Variants in GPR158 observed in about 807,000 individuals in gnomAD.
GPR158 encodes metabotropic glycine receptor.
Under a neutral mutation model 78.2 loss-of-function variants are expected in GPR158, and 30 were observed. The observed-to-expected ratio is 0.38, with a 90% CI of 0.29 to 0.52. The LOEUF (loss-of-function observed/expected upper bound fraction) is 0.52. Among genes scored for constraint, GPR158 ranks in the 20% least tolerant of loss-of-function variants. The pLI, the probability that GPR158 is intolerant of heterozygous loss-of-function variation, is 0.83. For synonymous variants in GPR158, 581 were observed against 591.1 expected, an observed-to-expected ratio of 0.98 and a Z score of 0.25; for missense variants, 1,463 against 1,523.5, an observed-to-expected ratio of 0.96 and a Z score of 0.66.
At chr10:25,433,547 T>TGTGTTGTG (rs67750453) in intron 4 of GPR158, among the ~76,000 whole-genome samples, 4 of 96,330 alleles carry the variant, frequency 4.2e-5, no homozygotes, top group African/African-American at 5.6e-5. Context: ...TGTGTGTGTG[T>TGTGTTGTG]TGTGTGTGTG....
intron 5 of GPR158, among the ~76,000 whole-genome samples, chr10:25,537,974 A>G (rs1273697916): frequency 1.3e-5 from 2 of 152,068 alleles, no homozygotes; most frequent in Non-Finnish European, 2.9e-5. Context: ...AAATTACCCA[A>G]TTTCAGGTAT....
At chr10:25,422,503 T>C (rs1284940217) in intron 4 of GPR158, among the ~76,000 whole-genome samples, 2 of 152,060 alleles carry the variant, frequency 1.3e-5, no homozygotes, top group Non-Finnish European at 2.9e-5. Flanking sequence ...AAAATTATCT[T>C]CCACGAACCC....
At position 25,348,598 on chromosome 10, in the gene GPR158, C is replaced by T. The variant is rs111505083; in HGVS notation, c.1009-47313C>T. Among the ~76,000 whole-genome samples, 912 of 152,002 alleles carry T rather than the reference C, an allele frequency of 6.0e-3. 9 individuals carry two copies. The highest frequency in any genetic ancestry group is 0.021 in the African/African-American group (868 of 41,508). ...ATCAGCCCTACCTGGCATTCTACAA[C>T]ATCAGGAAATAGAAACTGAACACTT... On this transcript the variant is annotated intron_variant, in intron 2 of 10. Coordinates refer to ENST00000376351, the MANE Select transcript of GPR158 (RefSeq NM_020752.3).
At chr10:25,327,588 A>G (rs1855055213) in intron 2 of GPR158, among the ~76,000 whole-genome samples, 1 of 152,112 alleles carries the variant, frequency 6.6e-6, no homozygotes, top group African/African-American at 2.4e-5. Context: ...TAGACTTCTG[A>G]AGAGGTTTTT....
intron 7 of GPR158, among the ~76,000 whole-genome samples, chr10:25,579,943 A>G (rs1837165365): frequency 6.6e-6 from 1 of 152,152 alleles, no homozygotes. Flanking sequence ...CAGCATTTAT[A>G]TGATCTAATA....
At chr10:25,431,801 T>C (rs562760771) in intron 4 of GPR158, among the ~76,000 whole-genome samples, 110 of 152,204 alleles carry the variant, frequency 7.2e-4, no homozygotes, top group African/African-American at 2.5e-3. Flanking sequence ...TATGTGGGAA[T>C]TGAATGATGA....
At chr10:25,560,169 T>A (rs1836843131) in intron 6 of GPR158, among the ~76,000 whole-genome samples, 1 of 152,222 alleles carries the variant, frequency 6.6e-6, no homozygotes, top group South Asian at 2.1e-4. Flanking sequence ...CTAAATTACT[T>A]TTGTGGTTGC....
In GPR158 at chr10:25,599,047, GAA is replaced by G. The variant is rs760000398; in HGVS notation, c.3427_3428del (p.Lys1143AspfsTer5). 1.9e-6 allele frequency: 3 copies of G among 1,613,720 alleles called. No homozygotes were observed. Among genetic ancestry groups the G allele is most frequent in the Non-Finnish European group, 2.5e-6 (3 of 1,179,962 alleles). Reference protein sequence around the residue: ...NENLNQIGHQEKKTSSSEENV... With the variant: ...NENLNQIGHQXKKTSSSEENV... ...AAATCTCAACCAAATAGGACACCAG[GAA>G]AAAAAGACATCTTCTTCTGAGGAGA... On this transcript the variant is annotated frameshift_variant, in exon 11 of 11. Coordinates refer to ENST00000376351, the MANE Select transcript of GPR158 (RefSeq NM_020752.3). LOFTEE classifies it low-confidence loss of function (END_TRUNC).
chr10:25,515,993 A>G (rs1335562660), intron 5 of GPR158, among the ~76,000 whole-genome samples: 6 of 150,378 alleles, frequency 4.0e-5, no homozygotes, highest in Non-Finnish European at 9.0e-5. Flanking sequence ...CCAACAGTGT[A>G]AAAGTGTTCC....
chr10:25,460,431 T>C (rs1005638095), intron 4 of GPR158, among the ~76,000 whole-genome samples: 10 of 152,086 alleles, frequency 6.6e-5, no homozygotes, highest in African/African-American at 2.4e-4. Context: ...CTGACCTCAA[T>C]TGATCCGCCC....
intron 2 of GPR158, among the ~76,000 whole-genome samples, chr10:25,283,343 C>T (rs1854302257): frequency 6.6e-6 from 1 of 151,930 alleles, no homozygotes; most frequent in Non-Finnish European, 1.5e-5. Context: ...GTAATTTTCT[C>T]TCTTTAATTC....
chr10:25,382,774 C>T (rs1282300391), intron 2 of GPR158, among the ~76,000 whole-genome samples: 1 of 152,082 alleles, frequency 6.6e-6, no homozygotes, highest in Non-Finnish European at 1.5e-5. Flanking sequence ...AGTACAAAGT[C>T]TCCCCAAACC....
At chr10:25,538,213 C>CTGT (rs1836525607) in intron 5 of GPR158, among the ~76,000 whole-genome samples, 1 of 134,546 alleles carries the variant, frequency 7.4e-6, no homozygotes, top group Non-Finnish European at 1.7e-5. Flanking sequence ...TTCAGATTTG[C>CTGT]CGTTGTTGTT....
intron 5 of GPR158, among the ~76,000 whole-genome samples, chr10:25,522,796 G>A (rs1222436281): frequency 2.0e-5 from 3 of 152,204 alleles, no homozygotes; most frequent in East Asian, 1.9e-4. Context: ...GGACTGTGAA[G>A]GGGAATTAGG....
chr10:25,245,270 C>A (rs75719244), intron 2 of GPR158, among the ~76,000 whole-genome samples: 1,941 of 152,320 alleles, frequency 0.013, 39 homozygotes, highest in African/African-American at 0.043. Flanking sequence ...GGAGAAGAGG[C>A]CCGTGATAGA....
At chr10:25,478,188 A>C (rs1235553447) in intron 5 of GPR158, among the ~76,000 whole-genome samples, 2 of 152,164 alleles carry the variant, frequency 1.3e-5, no homozygotes, top group Non-Finnish European at 2.9e-5. Flanking sequence ...AGTTTTAATA[A>C]ACTTAGAGAG....
chr10:25,587,501 G>GT (rs1837283305), intron 7 of GPR158, among the ~76,000 whole-genome samples: 1 of 152,194 alleles, frequency 6.6e-6, no homozygotes. Context: ...AGAAATGAAA[G>GT]TTGGAGATTT....
chr10:25,191,991 A>G (rs556260757), intron 1 of GPR158, among the ~76,000 whole-genome samples: 76 of 152,286 alleles, frequency 5.0e-4, no homozygotes, highest in Non-Finnish European at 9.4e-4. Flanking sequence ...TTTAAGTACC[A>G]GGACCATATT....
At chr10:25,388,781 C>T (rs1265643904) in intron 2 of GPR158, among the ~76,000 whole-genome samples, 6 of 152,234 alleles carry the variant, frequency 3.9e-5, no homozygotes, top group Admixed American at 1.3e-4. Flanking sequence ...GCATTTTGCA[C>T]TCTTGGGGGG....
Sources: allele counts gnomAD v4.1 joint callset (sites outside exome capture counted in the v4.1 genomes callset), GRCh38; gene constraint gnomAD v4.1.1; transcripts MANE v1.5; gene names NCBI Gene and HGNC (gene_info 2026-07-23, HGNC 2026-07-21).